ACTR3: variants seen among roughly 807,000 people sequenced by gnomAD.
ACTR3 encodes actin related protein 3, also known as actin-related protein 3.
A neutral mutation model predicts 56.8 loss-of-function variants in ACTR3; 12 were observed. That is an observed-to-expected ratio of 0.21 (90% confidence interval 0.14 to 0.34). The LOEUF (loss-of-function observed/expected upper bound fraction) is 0.34, where lower values mean the gene tolerates loss of function less well. Ranked by LOEUF, ACTR3 falls within the 10% of genes least tolerant of loss-of-function variation. The pLI is 1.00. For missense variants in ACTR3, 282 were observed against 512.5 expected, an observed-to-expected ratio of 0.55 and a Z score of 4.34; for synonymous variants, 162 against 167.4, an observed-to-expected ratio of 0.97 and a Z score of 0.25.
chr2:113,906,121 A>G (rs1396704704), intron 1 of ACTR3, among the ~76,000 whole-genome samples: 1 of 152,202 alleles, frequency 6.6e-6, no homozygotes, highest in Admixed American at 6.5e-5. Context: ...AGCATTGCAC[A>G]AGGGTTTCAG....
rs1680252394 is a variant in ACTR3, at chr2:113,957,922, A to G, written c.*467A>G. 1 of 153,550 alleles carries G rather than the reference A, an allele frequency of 6.5e-6. No homozygotes were observed. Among genetic ancestry groups the G allele is most frequent in the African/African-American group, 2.4e-5 (1 of 41,456 alleles). The allele number at this position is 153,550 out of a possible 1,614,324, so 9.5% of individuals were successfully genotyped here. A position where few individuals can be genotyped will look rare whatever the true frequency, so the allele number is the denominator to read the frequency against. ...CATGACCAAGTAAAGGATAAATTCA[A>G]AAAATAGCCTCATGAGACTTGGCAT... On this transcript the variant is annotated 3_prime_UTR_variant, in exon 12 of 12. Coordinates refer to ENST00000263238, the MANE Select transcript of ACTR3 (RefSeq NM_005721.5).
At chr2:113,936,102 G>A (rs977153059) in intron 6 of ACTR3, among the ~76,000 whole-genome samples, 4 of 151,936 alleles carry the variant, frequency 2.6e-5, no homozygotes, top group Admixed American at 2.0e-4. Context: ...AGACCAACAG[G>A]GCAACATGCT....
chr2:113,912,048 A>G (rs867291715), intron 1 of ACTR3, among the ~76,000 whole-genome samples: 2 of 151,554 alleles, frequency 1.3e-5, no homozygotes, highest in African/African-American at 2.4e-5. Context: ...CCTAATTTCT[A>G]TAGTTTTAGT....
intron 1 of ACTR3, among the ~76,000 whole-genome samples, chr2:113,900,460 C>CTAT (rs1005988795): frequency 6.6e-6 from 1 of 151,776 alleles, no homozygotes; most frequent in African/African-American, 2.4e-5. Context: ...TGGTGATGGA[C>CTAT]GTATAGCAAA....
chr2:113,893,210 G>T (rs772292095), intron 1 of ACTR3, among the ~76,000 whole-genome samples: 3 of 151,720 alleles, frequency 2.0e-5, no homozygotes, highest in Non-Finnish European at 4.4e-5. Context: ...TGTAACACTT[G>T]TATGATCATC....
chr2:113,954,932 A>G (rs1312864715), intron 10 of ACTR3: 1 of 152,136 alleles, frequency 6.6e-6, no homozygotes, highest in Admixed American at 6.6e-5. Context: ...TACATAAATT[A>G]AAACCATGAA....
In ACTR3 at chr2:113,957,651, C is replaced by CAA. The variant is rs1373697658; in HGVS notation, c.*196_*197insAA. ...AGAGAGCGAAAGTGATTGTGTTTTT[C>CAA]TTTAGATTGAATATTTGAATCTTAT... On this transcript the variant is annotated 3_prime_UTR_variant, in exon 12 of 12. Coordinates refer to ENST00000263238, the MANE Select transcript of ACTR3 (RefSeq NM_005721.5). 1 of 464,882 alleles carries CAA rather than the reference C, an allele frequency of 2.2e-6. No homozygotes were observed. The highest frequency in any genetic ancestry group is 3.1e-5 in the East Asian group (1 of 32,430). The allele number at this position is 464,882 out of a possible 1,614,324, so 28.8% of individuals were successfully genotyped here.
intron 1 of ACTR3, among the ~76,000 whole-genome samples, chr2:113,896,692 G>A (rs986957270): frequency 6.6e-6 from 1 of 152,182 alleles, no homozygotes; most frequent in African/African-American, 2.4e-5. Context: ...AGAAAAGAAC[G>A]GAAAGATTGA....
chr2:113,902,166 C>A (rs540697800), intron 1 of ACTR3, among the ~76,000 whole-genome samples: 98 of 152,168 alleles, frequency 6.4e-4, no homozygotes, highest in Non-Finnish European at 1.2e-3. Flanking sequence ...GAGGCAGTTA[C>A]TGTTGTGACA....
chr2:113,930,504 AT>A (rs34371576), intron 4 of ACTR3, among the ~76,000 whole-genome samples: 6,915 of 152,132 alleles, frequency 0.045, 513 homozygotes, highest in African/African-American at 0.16. Context: ...AAATTTAAAA[AT>A]TTTTCTTTTA....
chr2:113,948,333 A>G (rs1680059127), intron 8 of ACTR3, among the ~76,000 whole-genome samples: 1 of 151,966 alleles, frequency 6.6e-6, no homozygotes, highest in Non-Finnish European at 1.5e-5. Flanking sequence ...TATTTTTCGT[A>G]GAAACAGGGT....
At position 113,939,265 on chromosome 2, in the gene ACTR3, G is replaced by T. The variant is rs1000283771; in HGVS notation, c.541-694G>T. The stretch of plus-strand genomic sequence containing the variant: ...TCTCGATCTCCTGACCTCGTGATCC[G>T]CCCGTCTCGGCCTCCCAAAGTGCTG... On this transcript the variant is annotated intron_variant, in intron 6 of 11. Transcript: ENST00000263238. 2.0e-5 allele frequency among the ~76,000 whole-genome samples: 3 copies of T among 152,002 alleles called. No individual in the cohort carries two copies. In the East Asian group the frequency reaches 5.8e-4, roughly 29 times the overall value.
At chr2:113,897,612 C>T (rs1239849120) in intron 1 of ACTR3, among the ~76,000 whole-genome samples, 11 of 148,372 alleles carry the variant, frequency 7.4e-5, no homozygotes, top group East Asian at 2.0e-4. Context: ...CTGAAACCTC[C>T]GTCTCCAGGG....
At chr2:113,914,313 A>G (rs886259357) in intron 2 of ACTR3, among the ~76,000 whole-genome samples, 2 of 152,176 alleles carry the variant, frequency 1.3e-5, no homozygotes, top group African/African-American at 4.8e-5. Context: ...GTGTGGCATT[A>G]AAGAAATAAC....
intron 3 of ACTR3, among the ~76,000 whole-genome samples, chr2:113,921,867 A>G (rs940103629): frequency 6.6e-6 from 1 of 152,202 alleles, no homozygotes; most frequent in African/African-American, 2.4e-5. Context: ...ACGGGTTGAC[A>G]TTACCTAGGG....
At chr2:113,932,257 A>G (rs1385765485) in intron 5 of ACTR3, among the ~76,000 whole-genome samples, 1 of 152,258 alleles carries the variant, frequency 6.6e-6, no homozygotes, top group Non-Finnish European at 1.5e-5. Context: ...TGCTAAAAAT[A>G]TTTAAGGAGT....
intron 3 of ACTR3, among the ~76,000 whole-genome samples, chr2:113,917,479 C>A (rs1342189827): frequency 2.0e-5 from 3 of 152,026 alleles, no homozygotes; most frequent in Non-Finnish European, 4.4e-5. Context: ...GTTAATTATA[C>A]AGTTCGAAGA....
chr2:113,907,557 A>C (rs1245457597), intron 1 of ACTR3, among the ~76,000 whole-genome samples: 1 of 152,222 alleles, frequency 6.6e-6, no homozygotes, highest in Non-Finnish European at 1.5e-5. Context: ...CCAGCTCATG[A>C]ATGACCTTTT....
intron 2 of ACTR3, among the ~76,000 whole-genome samples, chr2:113,913,582 TTG>T (rs1193345038): frequency 6.6e-6 from 1 of 152,190 alleles, no homozygotes; most frequent in Non-Finnish European, 1.5e-5. Context: ...AGACTGTCCT[TTG>T]GTTTGTGGAT....
Sources: gnomAD v4.1 joint callset for allele counts (sites outside exome capture counted in the v4.1 genomes callset) on GRCh38, gnomAD v4.1.1 for gene constraint, MANE v1.5 for transcripts, NCBI Gene and HGNC (gene_info 2026-07-23, HGNC 2026-07-21) for gene names.